ARHGEF18: variants seen among roughly 807,000 people sequenced by gnomAD.
ARHGEF18 encodes the protein Rho/Rac guanine nucleotide exchange factor 18.
Under a neutral mutation model 155.7 loss-of-function variants are expected in ARHGEF18, and 93 were observed. The observed-to-expected ratio is 0.60, with a 90% CI of 0.50 to 0.71. The LOEUF is 0.71. Among genes scored for constraint, ARHGEF18 ranks in the 30% least tolerant of loss-of-function variants. ARHGEF18 has a pLI of 0.00. For synonymous variants in ARHGEF18, 742 were observed against 753.1 expected (o/e 0.99, Z 0.24); for missense variants, 1,593 against 1,816.1 (o/e 0.88, Z 2.23).
intron 2 of ARHGEF18, among the ~76,000 whole-genome samples, chr19:7,364,475 T>C (rs1463269522): frequency 6.6e-6 from 1 of 150,722 alleles, no homozygotes; most frequent in Non-Finnish European, 1.5e-5. Context: ...CATGGCAGAG[T>C]TGGGATTCAA....
chr19:7,366,238 C>A (rs183296927), intron 2 of ARHGEF18, among the ~76,000 whole-genome samples: 1 of 152,210 alleles, frequency 6.6e-6, no homozygotes, highest in East Asian at 1.9e-4. Flanking sequence ...TGAGCCACGG[C>A]GCCCAGCCAG....
chr19:7,450,954 C>T (rs77473451), intron 15 of ARHGEF18, among the ~76,000 whole-genome samples, 195 bp from the exon 16 acceptor site: 7 of 198 alleles, frequency 0.035, no homozygotes, highest in South Asian at 0.25. Flanking sequence ...GATGTTAATG[C>T]GGGATCTTGC....
intron 10 of ARHGEF18, among the ~76,000 whole-genome samples, chr19:7,421,257 C>T (rs946304813): frequency 2.6e-5 from 4 of 152,148 alleles, no homozygotes; most frequent in Non-Finnish European, 5.9e-5. Flanking sequence ...GTTTCAGCTG[C>T]GTGAGTCCAG....
intron 10 of ARHGEF18, among the ~76,000 whole-genome samples, chr19:7,398,772 A>G (rs991274666): frequency 1.3e-5 from 2 of 152,164 alleles, no homozygotes; most frequent in African/African-American, 2.4e-5. Flanking sequence ...CGACTTGAGA[A>G]TGTCCCCACT....
chr19:7,385,120 A>G (rs1970931620), intron 10 of ARHGEF18, among the ~76,000 whole-genome samples: 1 of 152,178 alleles, frequency 6.6e-6, no homozygotes, highest in Admixed American at 6.6e-5. Flanking sequence ...TGCTCAGTCT[A>G]TCTTAGGCAT....
In ARHGEF18 at chr19:7,467,087, A is replaced by T. The variant is rs779003257; in HGVS notation, c.2978A>T (p.Gln993Leu). ...TCTCCGCAGCTTGTCCAGCGGATCC[A>T]GACACTGTCCCAGCTGCTCCTGAAC... Reference protein sequence around the residue: ...VLESELVQRIQTLSQLLLNLQ... With the variant: ...VLESELVQRILTLSQLLLNLQ... The change falls in exon 25 of 29, where the codon CAG (glutamine) becomes CTG (leucine). Residue 993 changes from glutamine (Q) to leucine (L), a missense_variant. Coordinates refer to ENST00000668164, the MANE Select transcript of ARHGEF18 (RefSeq NM_001367823.1). The T allele has an allele frequency of 1.9e-6, 3 of 1,608,696 alleles. No homozygotes were observed. Among genetic ancestry groups the T allele is most frequent in the Non-Finnish European group, 2.6e-6 (3 of 1,176,352 alleles).
intron 10 of ARHGEF18, among the ~76,000 whole-genome samples, chr19:7,434,418 T>G (rs990859460): frequency 1.3e-5 from 2 of 152,188 alleles, no homozygotes; most frequent in African/African-American, 4.8e-5. Context: ...AGAACTGTTT[T>G]GATTTTCACC....
intron 2 of ARHGEF18, among the ~76,000 whole-genome samples, chr19:7,364,246 T>C (rs1224021797): frequency 6.8e-6 from 1 of 147,176 alleles, no homozygotes; most frequent in East Asian, 2.0e-4. Flanking sequence ...GATGGATGGG[T>C]TGATGGAAGG....
chr19:7,360,597 C>T (rs1028671116), intron 1 of ARHGEF18, among the ~76,000 whole-genome samples: 2 of 152,178 alleles, frequency 1.3e-5, no homozygotes. Flanking sequence ...AGATACAGGG[C>T]ATGAGGTCCT....
chr19:7,439,744 T>C (rs1299077189), intron 10 of ARHGEF18: 73 of 1,374,894 alleles, frequency 5.3e-5, no homozygotes, highest in Non-Finnish European at 2.8e-6. Flanking sequence ...CTGATCTAGA[T>C]TAATTATCAT....
intron 10 of ARHGEF18, among the ~76,000 whole-genome samples, chr19:7,387,459 T>C (rs1282117025): frequency 3.3e-5 from 5 of 151,930 alleles, no homozygotes; most frequent in Admixed American, 2.0e-4. Flanking sequence ...GCGCTGTTTT[T>C]TGTTTTTTGA....
At chr19:7,382,212 G>A (rs1342404442) in intron 8 of ARHGEF18, among the ~76,000 whole-genome samples, 3 of 151,886 alleles carry the variant, frequency 2.0e-5, no homozygotes, top group African/African-American at 2.4e-5. Context: ...TGGCCAACAC[G>A]GTGAAACCCC....
At chr19:7,410,315 G>A (rs3943931) in intron 10 of ARHGEF18, among the ~76,000 whole-genome samples, 2 of 151,620 alleles carry the variant, frequency 1.3e-5, no homozygotes, top group Admixed American at 1.3e-4. Context: ...TCCTCTGTCC[G>A]TCTTAGAGTC....
At chr19:7,476,246 G>A (rs1977224121), downstream of ARHGEF18, among the ~76,000 whole-genome samples, 1 of 152,238 alleles carries the variant, frequency 6.6e-6, no homozygotes. Context: ...AGGAGTTTGA[G>A]GCTGCAGTGA....
chr19:7,358,461 T>C (rs1292709675), intron 1 of ARHGEF18, among the ~76,000 whole-genome samples: 3 of 149,550 alleles, frequency 2.0e-5, no homozygotes, highest in Non-Finnish European at 4.5e-5. Flanking sequence ...TCCATCTACC[T>C]ATCCAACCAT....
At position 7,372,926 on chromosome 19, in the gene ARHGEF18, A is replaced by C. The variant is rs1970269122; in HGVS notation, c.130A>C (p.Ser44Arg). The change falls in exon 3 of 29, where the codon AGC becomes CGC. Residue 44 changes from serine (S) to arginine (R), a missense_variant. Ser to Arg is a moderately radical substitution (Grantham distance 110). Transcript: ENST00000668164. ...QDLGLGAPSH[S>R]QPGETPDSRP... ...CCTGGGCCTTGGGGCCCCTTCCCAC[A>C]GCCAGCCTGGGGAGACCCCAGACAG... 8.1e-7 allele frequency: 1 copy of C among 1,234,482 alleles called. No individual in the cohort carries two copies. Among genetic ancestry groups the C allele is most frequent in the African/African-American group, 1.6e-5 (1 of 64,500 alleles). 76.5% of individuals were successfully genotyped at this position (1,234,482 alleles called of 1,614,324 possible). A position where few individuals can be genotyped will look rare whatever the true frequency, so the allele number is the denominator to read the frequency against.
chr19:7,412,841 C>T (rs1323813160), intron 10 of ARHGEF18, among the ~76,000 whole-genome samples: 1 of 151,894 alleles, frequency 6.6e-6, no homozygotes, highest in Non-Finnish European at 1.5e-5. Flanking sequence ...TGATGTTGAG[C>T]GTCTTTTCAT....
chr19:7,466,804 C>CAA (rs965666634), intron 23 of ARHGEF18, 114 bp from the exon 24 acceptor site: 47,505 of 478,410 alleles, frequency 0.099, 593 homozygotes, highest in Non-Finnish European at 0.1. Flanking sequence ...AATTCCGTCT[C>CAA]AAAAAAAAAA....
In ARHGEF18 at chr19:7,463,865, G is replaced by A. The variant is rs761507984; in HGVS notation, c.2683G>A (p.Gly895Ser). Residue 895 changes from glycine to serine, a missense_variant, in exon 22 of 29, where the codon GGC becomes AGC. Coordinates refer to ENST00000668164, the MANE Select transcript of ARHGEF18 (RefSeq NM_001367823.1). The surrounding 1 kb of genome is among the most constrained non-coding windows in gnomAD (Gnocchi z 5.2). ...CTGCAGGCAGCTGGGCAGCGCCAAC[G>A]GCCAGGCGGAAGACGGAGGCAGCTC... ...LICRQLGSAN[G>S]QAEDGGSSTG... The A allele has an allele frequency of 1.0e-4, 163 of 1,605,288 alleles. 1 individual carries two copies. In the East Asian group the frequency reaches 3.4e-3, roughly 34 times the overall value.
Sources: gnomAD v4.1 joint callset for allele counts (sites outside exome capture counted in the v4.1 genomes callset) on GRCh38, gnomAD v4.1.1 for gene constraint, Gnocchi (gnomAD v3.1) non-coding constraint, MANE v1.5 for transcripts, NCBI Gene and HGNC (gene_info 2026-07-23, HGNC 2026-07-21) for gene names.